The following PATJ variants were observed in gnomAD, a reference collection of about 807,000 sequenced individuals.
PATJ encodes the protein inaD-like protein.
Under a neutral mutation model 224.9 loss-of-function variants are expected in PATJ, and 190 were observed. The observed-to-expected ratio is 0.84, with a 90% CI of 0.75 to 0.95. The LOEUF (loss-of-function observed/expected upper bound fraction) is 0.95, where lower values mean the gene tolerates loss of function less well. Ranked by LOEUF, PATJ falls within the 40% of genes least tolerant of loss-of-function variation. The pLI is 0.00. For missense variants in PATJ, 2,121 were observed against 2,270.3 expected (o/e 0.93, Z 1.34); for synonymous variants, 769 against 820.3 (o/e 0.94, Z 1.07).
intron 27 of PATJ, among the ~76,000 whole-genome samples, chr1:61,979,612 C>G (rs1003769751): frequency 6.6e-6 from 1 of 150,458 alleles, no homozygotes; most frequent in African/African-American, 2.5e-5. Flanking sequence ...AAGATCACAC[C>G]ACTGCACTCC....
chr1:62,080,624 G>A (rs1659137916), intron 32 of PATJ, among the ~76,000 whole-genome samples: 3 of 152,160 alleles, frequency 2.0e-5, no homozygotes, highest in African/African-American at 7.2e-5. Flanking sequence ...GAGCCACTGT[G>A]CCCAGCCCTA....
chr1:61,979,849 G>A (rs368710825), intron 27 of PATJ, among the ~76,000 whole-genome samples: 175 of 152,094 alleles, frequency 1.2e-3, no homozygotes, highest in Non-Finnish European at 2.1e-3. Context: ...AACGAACTAG[G>A]AGGAACTTAC....
At chr1:61,887,189 C>G (rs573091355) in intron 22 of PATJ, among the ~76,000 whole-genome samples, 109 of 152,044 alleles carry the variant, frequency 7.2e-4, no homozygotes, top group African/African-American at 2.6e-3. Context: ...TAAATATAGT[C>G]TGTGGAGATG....
intron 31 of PATJ, among the ~76,000 whole-genome samples, chr1:62,054,838 A>C (rs2476185): frequency 0.59 from 89,586 of 151,850 alleles, 27,139 homozygotes; most frequent in African/African-American, 0.72. Context: ...GGGGAGATCA[A>C]GAGGTCAAGA....
chr1:61,859,140 G>A (rs1664159499), intron 18 of PATJ, among the ~76,000 whole-genome samples: 1 of 152,166 alleles, frequency 6.6e-6, no homozygotes, highest in South Asian at 2.1e-4. Flanking sequence ...GTGTCCTAGA[G>A]CACTTCAACA....
intron 7 of PATJ, among the ~76,000 whole-genome samples, chr1:61,780,432 T>G (rs1647185277): frequency 6.6e-6 from 1 of 152,148 alleles, no homozygotes; most frequent in South Asian, 2.1e-4. Context: ...GCCACAGCAC[T>G]GCAGCCTGGG....
At chr1:61,978,840 T>C (rs1644292749) in intron 27 of PATJ, among the ~76,000 whole-genome samples, 2 of 152,098 alleles carry the variant, frequency 1.3e-5, no homozygotes, top group South Asian at 2.1e-4. Flanking sequence ...TATTCCAGTG[T>C]GTTGAACATT....
At position 61,751,830 on chromosome 1, in the gene PATJ, A is replaced by AAAT. The variant is rs1001318513; in HGVS notation, c.-36+9290_-36+9292dup. Among the ~76,000 whole-genome samples, 7 of 150,592 alleles carry AAAT rather than the reference A, an allele frequency of 4.6e-5. No homozygotes were observed. The South Asian group carries it at 6.3e-4, about 14-fold the overall frequency. ...AACAGAGTGAGACCCTGTCTCAAAA[A>AAAT]AATAATAATAATAATAAAATAAAAA... On this transcript the variant is annotated intron_variant, in intron 1 of 43. Transcript: ENST00000642238.
chr1:61,875,143 G>T (rs1257525164), intron 20 of PATJ, 100 bp from the exon 21 acceptor site: 2 of 677,250 alleles, frequency 3.0e-6, no homozygotes, highest in Non-Finnish European at 4.9e-6. Context: ...TGTTTGCAAG[G>T]CCAGTTTTCC....
At chr1:61,778,192 A>G (rs1647046229) in intron 7 of PATJ, among the ~76,000 whole-genome samples, 1 of 151,596 alleles carries the variant, frequency 6.6e-6, no homozygotes, top group Non-Finnish European at 1.5e-5. Context: ...CCTTATTTTT[A>G]TTTTTTGTAG....
chr1:62,078,801 A>C (rs1219045075), intron 31 of PATJ: 1 of 150,352 alleles, frequency 6.7e-6, no homozygotes, highest in African/African-American at 2.4e-5. Flanking sequence ...TTGAGTCCCT[A>C]CTATGTTCCA....
chr1:61,830,238 A>G (rs1343440930), intron 16 of PATJ, among the ~76,000 whole-genome samples: 2 of 152,222 alleles, frequency 1.3e-5, no homozygotes, highest in African/African-American at 4.8e-5. Flanking sequence ...CTGAGAACCA[A>G]ATTAGGAACT....
intron 30 of PATJ, among the ~76,000 whole-genome samples, chr1:62,040,675 G>A (rs1651315591): frequency 6.7e-6 from 1 of 148,866 alleles, no homozygotes. Flanking sequence ...AGCTGGGAGA[G>A]CAGTGAAATA....
At chr1:61,941,373 G>A (rs186964500) in intron 27 of PATJ, among the ~76,000 whole-genome samples, 12 of 152,176 alleles carry the variant, frequency 7.9e-5, no homozygotes, top group African/African-American at 2.7e-4. Flanking sequence ...ATTTTCAGCC[G>A]GGCACGATGG....
chr1:61,804,587 TTTTC>T (rs1319547002), intron 12 of PATJ, among the ~76,000 whole-genome samples: 1 of 152,132 alleles, frequency 6.6e-6, no homozygotes, highest in Non-Finnish European at 1.5e-5. Context: ...TTGAGACAGT[TTTTC>T]TTTAAGTTAA....
intron 22 of PATJ, among the ~76,000 whole-genome samples, chr1:61,889,563 G>A (rs923526495): frequency 2.0e-5 from 3 of 152,144 alleles, no homozygotes; most frequent in African/African-American, 4.8e-5. Flanking sequence ...TATAAATTAC[G>A]TACAGTAAGA....
At chr1:61,749,171 C>T (rs946486108) in intron 1 of PATJ, among the ~76,000 whole-genome samples, 13 of 150,344 alleles carry the variant, frequency 8.6e-5, no homozygotes, top group Admixed American at 4.7e-4. Context: ...CAGAGTTTTG[C>T]TCTTGTTGCA....
At chr1:61,820,441 C>G (rs1164063267) in intron 14 of PATJ, among the ~76,000 whole-genome samples, 2 of 152,130 alleles carry the variant, frequency 1.3e-5, no homozygotes, top group African/African-American at 4.8e-5. Flanking sequence ...CTCCTGGGCT[C>G]AAGCGATTCT....
intron 31 of PATJ, among the ~76,000 whole-genome samples, chr1:62,061,733 C>T (rs759170089): frequency 5.9e-5 from 9 of 151,934 alleles, no homozygotes; most frequent in African/African-American, 1.2e-4. Flanking sequence ...GGTCTTGGCT[C>T]ACTGCAAGCT....
Sources: gnomAD v4.1 joint callset for allele counts (sites outside exome capture counted in the v4.1 genomes callset) on GRCh38, gnomAD v4.1.1 for gene constraint, MANE v1.5 for transcripts, NCBI Gene and HGNC (gene_info 2026-07-23, HGNC 2026-07-21) for gene names.